The following SETD4 variants were observed in gnomAD, a reference collection of about 807,000 sequenced individuals.
SETD4 encodes the protein SET domain-containing protein 4.
Under a neutral mutation model 58.3 loss-of-function variants are expected in SETD4, and 46 were observed. The observed-to-expected ratio is 0.79, with a 90% CI of 0.62 to 1.01. The LOEUF is 1.01. Among genes scored for constraint, SETD4 ranks in the 50% least tolerant of loss-of-function variants. The pLI, the probability that SETD4 is intolerant of heterozygous loss-of-function variation, is 0.00. For missense variants in SETD4, 490 were observed against 523.3 expected (o/e 0.94, Z 0.62); for synonymous variants, 190 against 202.6 (o/e 0.94, Z 0.53).
intron 4 of SETD4, 64 bp from the exon 5 acceptor site, chr21:36,048,460 C>G: frequency 6.9e-7 from 1 of 1,456,998 alleles, no homozygotes; most frequent in Non-Finnish European, 9.6e-7. Context: ...GAGTATGAGT[C>G]TTACAAAGTC....
chr21:36,042,791 GCTAA>G (rs2064127166), intron 7 of SETD4: 1 of 152,000 alleles, frequency 6.6e-6, no homozygotes, highest in Non-Finnish European at 1.5e-5. Flanking sequence ...AAGTGTAATG[GCTAA>G]CTTACTATTT....
At position 36,041,811 on chromosome 21, in the gene SETD4, T is replaced by C; in HGVS notation, c.979A>G (p.Ile327Val). 2 of 1,482,018 alleles carry C rather than the reference T, an allele frequency of 1.3e-6. No individual in the cohort carries two copies. The highest frequency in any genetic ancestry group is 1.8e-6 in the Non-Finnish European group (2 of 1,086,028). 91.8% of individuals were successfully genotyped at this position (1,482,018 alleles called of 1,614,324 possible). A position where few individuals can be genotyped will look rare whatever the true frequency, so the allele number is the denominator to read the frequency against. Reference protein sequence around the residue: ...KISILKDHGYIENLTFGWDGP... With the variant: ...KISILKDHGYVENLTFGWDGP... ...GAGGGAAAGAGAAACACTTACTCTA[T>C]ATAGCCATGATCCTTTAAAATAGAA... Residue 327 changes from isoleucine to valine, a missense_variant, in exon 8 of 12, where the codon ATA (isoleucine) becomes GTA (valine). Ile to Val is a conservative substitution (Grantham distance 29, BLOSUM62 3). Transcript: ENST00000332131.
intron 7 of SETD4, 200 bp downstream of exon 7, chr21:36,043,582 A>G (rs2064166946): frequency 7.2e-7 from 1 of 1,396,162 alleles, no homozygotes; most frequent in Non-Finnish European, 9.2e-7. Context: ...TTCTCAAAAT[A>G]TCAGTCAAAA....
In SETD4 at chr21:36,040,660, A is replaced by G. The variant is rs745945953; in HGVS notation, c.984-5T>C. The stretch of plus-strand genomic sequence containing the variant: ...TCCCATCCAAATGTCAAATTTCTGA[A>G]GTAGAAAAACAAATAATGACAAATC... On this transcript the variant is annotated splice_region_variant and splice_polypyrimidine_tract_variant and intron_variant, in intron 8 of 11. Transcript: ENST00000332131. 4.3e-6 allele frequency: 7 copies of G among 1,612,322 alleles called. No individual in the cohort carries two copies. The African/African-American group carries it at 5.3e-5, about 12-fold the overall frequency.
At chr21:36,057,582 T>C (rs1176110967) in intron 2 of SETD4, 3 of 427,642 alleles carry the variant, frequency 7.0e-6, no homozygotes, top group African/African-American at 2.0e-5. Flanking sequence ...ATTCATTCAA[T>C]GTAATCCTAA....
chr21:36,057,495 T>A (rs1030794593), intron 2 of SETD4: 24 of 598,918 alleles, frequency 4.0e-5, no homozygotes, highest in Non-Finnish European at 6.3e-5. Flanking sequence ...AAAAAAAAAA[T>A]ACAATATTAT....
chr21:36,059,844 G>T (rs977388258), intron 1 of SETD4: 7 of 985,514 alleles, frequency 7.1e-6, no homozygotes, highest in Non-Finnish European at 8.4e-6. Context: ...GGCATGTCCA[G>T]CTCCAGAGGC....
chr21:36,059,513 C>A, intron 1 of SETD4: 1 of 159,876 alleles, frequency 6.3e-6, no homozygotes, highest in East Asian at 2.0e-4. Flanking sequence ...CATGGTGAAA[C>A]CCCGTCTCTA....
At chr21:36,037,033 G>A (rs1347344297) in intron 10 of SETD4, among the ~76,000 whole-genome samples, 1 of 152,106 alleles carries the variant, frequency 6.6e-6, no homozygotes, top group Non-Finnish European at 1.5e-5. Flanking sequence ...GGGTTGGAGA[G>A]GGATTAGGGA....
At chr21:36,041,225 C>CCCATGCA (rs1374373890) in intron 8 of SETD4, among the ~76,000 whole-genome samples, 1 of 149,898 alleles carries the variant, frequency 6.7e-6, no homozygotes, top group African/African-American at 2.5e-5. Flanking sequence ...GGAGGCAGGG[C>CCCATGCA]CCATGCACAG....
intron 4 of SETD4, chr21:36,050,449 T>C: frequency 6.2e-7 from 1 of 1,614,074 alleles, no homozygotes; most frequent in Non-Finnish European, 8.5e-7. Context: ...GTAGTCAGAG[T>C]ACCAACCCCT....
At chr21:36,039,847 G>A (rs2063960349) in intron 9 of SETD4, among the ~76,000 whole-genome samples, 1 of 152,236 alleles carries the variant, frequency 6.6e-6, no homozygotes, top group Non-Finnish European at 1.5e-5. Flanking sequence ...AAGAAGAACA[G>A]GCGTCACTGA....
At chr21:36,040,160 C>A (rs542326749) in intron 9 of SETD4, among the ~76,000 whole-genome samples, 11 of 152,336 alleles carry the variant, frequency 7.2e-5, no homozygotes, top group African/African-American at 2.4e-4. Flanking sequence ...TGGAAAAGTC[C>A]AGCTCTTCAG....
In SETD4 at chr21:36,035,967, GAAAAGC is replaced by G. The variant is rs1482999550; in HGVS notation, c.*33-13_*33-8del. ...TCAAAATTAACTTTTGTTTCTGTAG[GAAAAGC>G]AAAAGGAAAAGGATTAAGTTCCTAA... On this transcript the variant is annotated splice_region_variant and splice_polypyrimidine_tract_variant and intron_variant, in intron 11 of 11. Coordinates refer to ENST00000332131, the MANE Select transcript of SETD4 (RefSeq NM_017438.5). 9.0e-7 allele frequency: 1 copy of G among 1,106,328 alleles called. No homozygotes were observed. Among genetic ancestry groups the G allele is most frequent in the Non-Finnish European group, 1.3e-6 (1 of 765,216 alleles). 68.5% of individuals were successfully genotyped at this position (1,106,328 alleles called of 1,614,324 possible). A position where few individuals can be genotyped will look rare whatever the true frequency, so the allele number is the denominator to read the frequency against.
chr21:36,051,163 T>C (rs1316444395), intron 4 of SETD4: 2 of 1,577,192 alleles, frequency 1.3e-6, no homozygotes, highest in South Asian at 1.1e-5. Flanking sequence ...ACCCAGCGTA[T>C]GTCCCTGCTC....
chr21:36,049,754 A>G (rs982458392), intron 4 of SETD4, among the ~76,000 whole-genome samples: 1 of 152,214 alleles, frequency 6.6e-6, no homozygotes, highest in Admixed American at 6.5e-5. Flanking sequence ...GCATTTCACT[A>G]TATGTAAAAT....
intron 5 of SETD4, among the ~76,000 whole-genome samples, chr21:36,047,357 A>C (rs1221043069): frequency 6.6e-6 from 1 of 152,314 alleles, no homozygotes; most frequent in South Asian, 2.1e-4. Context: ...CCCCAAAACA[A>C]AGGCCCAGCA....
At chr21:36,053,783 AT>A (rs2064843132) in intron 3 of SETD4, among the ~76,000 whole-genome samples, 163 bp from the exon 4 acceptor site, 1 of 152,210 alleles carries the variant, frequency 6.6e-6, no homozygotes, top group Non-Finnish European at 1.5e-5. Context: ...TCAGAAAGCT[AT>A]TCCAGAAAAT....
At chr21:36,036,795 C>T (rs766359669) in intron 10 of SETD4, 1 of 199,496 alleles carries the variant, frequency 5.0e-6, no homozygotes, top group Non-Finnish European at 9.0e-6. Context: ...TATTCATCAA[C>T]AGATGAATAA....
Sources: gnomAD v4.1 joint callset for allele counts (sites outside exome capture counted in the v4.1 genomes callset) on GRCh38, gnomAD v4.1.1 for gene constraint, MANE v1.5 for transcripts, NCBI Gene and HGNC (gene_info 2026-07-23, HGNC 2026-07-21) for gene names.